Variants in SIMC1 observed in about 807,000 individuals in gnomAD.
SIMC1 encodes the protein SUMO interacting motifs containing 1.
In SIMC1, 55 loss-of-function variants were observed where a neutral mutation model predicts 82.3. The ratio of observed to expected loss-of-function variants is 0.67; its 90% CI spans 0.54 to 0.84. The LOEUF is 0.84. Among genes scored for constraint, SIMC1 ranks in the 40% least tolerant of loss-of-function variants. SIMC1 has a pLI of 0.00. For missense variants in SIMC1, 915 were observed against 1,107.2 expected (o/e 0.83, Z 2.46); for synonymous variants, 353 against 426.3 (o/e 0.83, Z 2.12).
rs566072646 is a variant in SIMC1 at position 176,242,653 on chromosome 5, T to C, written c.129+4016T>C. Among the ~76,000 whole-genome samples, 9 of 152,254 alleles carry C rather than the reference T, an allele frequency of 5.9e-5. 1 individual carries two copies. In the South Asian group the frequency reaches 1.9e-3, roughly 32 times the overall value. On this transcript the variant is annotated intron_variant, in intron 1 of 9. Transcript: ENST00000429602. ...TGTGTTGTTCATGAATCAACTGTAT[T>C]GCCAAATTTCCTACAGAAATTGTGC...
intron 1 of SIMC1, among the ~76,000 whole-genome samples, chr5:176,251,823 C>A (rs533391382): frequency 6.6e-6 from 1 of 150,692 alleles, no homozygotes; most frequent in African/African-American, 2.4e-5. Context: ...TTTAACAAAG[C>A]ACATCTTGCA....
chr5:176,300,364 G>A (rs13178845), intron 4 of SIMC1, among the ~76,000 whole-genome samples: 5,206 of 152,282 alleles, frequency 0.034, 126 homozygotes, highest in Middle Eastern at 0.095. Flanking sequence ...TGTCACCCAG[G>A]CTGGAGCTCA....
chr5:176,296,373 G>A, intron 4 of SIMC1, 53 bp downstream of exon 4: 1 of 1,612,704 alleles, frequency 6.2e-7, no homozygotes, highest in South Asian at 1.1e-5. Flanking sequence ...TAACTATAAA[G>A]AAAAGTGATA....
chr5:176,276,318 C>A (rs111797302), intron 1 of SIMC1, among the ~76,000 whole-genome samples: 2 of 151,314 alleles, frequency 1.3e-5, no homozygotes, highest in Admixed American at 6.6e-5. Flanking sequence ...CGGTGGTGAT[C>A]TCCCCTTTAT....
chr5:176,255,577 CTTT>C lies in SIMC1; in HGVS notation c.129+16958_129+16960del, dbSNP rs57239326. On this transcript the variant is annotated intron_variant, in intron 1 of 9. Transcript: ENST00000429602. ...AGCCTGGGTGACAGAGTGAGACTGTCTTTTTTTTTTTTTTTTTTTTAAAGAAAA... is the reference window on the plus strand; with the variant it reads ...AGCCTGGGTGACAGAGTGAGACTGTCTTTTTTTTTTTTTTTTTAAAGAAAA... Among the ~76,000 whole-genome samples the C allele has an allele frequency of 4.6e-3, 619 of 134,310 alleles. 3 individuals carry two copies. Among genetic ancestry groups the C allele is most frequent in the African/African-American group, 8.9e-3 (323 of 36,358 alleles). The allele number at this position is 134,310 out of a possible 152,430, so 88.1% of individuals were successfully genotyped here.
In SIMC1 at chr5:176,279,044, C is replaced by T. The variant is rs138105844; in HGVS notation, c.130-10610C>T. Among the ~76,000 whole-genome samples, 552 of 152,160 alleles carry T rather than the reference C, an allele frequency of 3.6e-3. 2 individuals are homozygous for T. Among genetic ancestry groups the T allele is most frequent in the African/African-American group, 0.012 (505 of 41,536 alleles). ...GGAGTGGTACCAGCTCCTCCTTATA[C>T]CTCTGGTAGAATTCGGCTGTGAATC... is the stretch of plus-strand genomic sequence containing the variant. On this transcript the variant is annotated intron_variant, in intron 1 of 9. Transcript: ENST00000429602.
At chr5:176,300,454 GA>G (rs1763994776) in intron 4 of SIMC1, among the ~76,000 whole-genome samples, 1 of 151,222 alleles carries the variant, frequency 6.6e-6, no homozygotes, top group African/African-American at 2.4e-5. Context: ...AAGTAGCTGG[GA>G]AAACAAGCAT....
At chr5:176,334,999 G>A (rs1765821076) in intron 7 of SIMC1, among the ~76,000 whole-genome samples, 1 of 151,826 alleles carries the variant, frequency 6.6e-6, no homozygotes, top group South Asian at 2.1e-4. Flanking sequence ...GCTGAGGTAG[G>A]AGAATTGCTT....
intron 4 of SIMC1, among the ~76,000 whole-genome samples, chr5:176,299,103 A>G (rs1316320632): frequency 1.3e-5 from 2 of 152,212 alleles, no homozygotes; most frequent in Non-Finnish European, 2.9e-5. Context: ...TCAAATACCA[A>G]ACTCTTGTGG....
intron 1 of SIMC1, among the ~76,000 whole-genome samples, chr5:176,275,730 CAT>C (rs1237380837): frequency 2.0e-5 from 3 of 151,848 alleles, no homozygotes; most frequent in Non-Finnish European, 2.9e-5. Flanking sequence ...TTGAGATAAT[CAT>C]GTGGTTTTTG....
intron 7 of SIMC1, among the ~76,000 whole-genome samples, chr5:176,329,777 A>C (rs1282269758): frequency 1.3e-5 from 2 of 152,236 alleles, no homozygotes; most frequent in Non-Finnish European, 2.9e-5. Context: ...ACAAATAAAT[A>C]TATTGTGAAT....
chr5:176,289,670 C>G lies in SIMC1; in HGVS notation c.146C>G (p.Thr49Ser). 1 of 1,603,712 alleles carries G rather than the reference C, an allele frequency of 6.2e-7. No individual in the cohort carries two copies. The highest frequency in any genetic ancestry group is 8.5e-7 in the Non-Finnish European group (1 of 1,175,038). Residue 49 changes from threonine to serine, a missense_variant, in exon 2 of 10, where the codon ACT becomes AGT. Physicochemically the swap from Thr to Ser is moderately conservative, Grantham distance 58 (BLOSUM62 1). Transcript: ENST00000429602. ...CTTCAACAGGACTTCATTGACTTAA[C>G]TAGAGAGACCAGACCAAGGACAAAA... is the stretch of plus-strand genomic sequence containing the variant. The part of the protein sequence containing the change: ...PRRTVDFIDL[T>S]RETRPRTKDR...
intron 1 of SIMC1, among the ~76,000 whole-genome samples, chr5:176,288,895 A>G (rs1763418925): frequency 6.6e-6 from 1 of 152,208 alleles, no homozygotes; most frequent in South Asian, 2.1e-4. Flanking sequence ...CTGTATCATT[A>G]GGCTTTGTGA....
chr5:176,271,147 G>A (rs2113176463), intron 1 of SIMC1, among the ~76,000 whole-genome samples: 1 of 152,242 alleles, frequency 6.6e-6, no homozygotes, highest in East Asian at 1.9e-4. Flanking sequence ...ATCACCTGAG[G>A]TCAGGAGTTC....
chr5:176,323,811 C>A (rs1251573736), intron 6 of SIMC1, among the ~76,000 whole-genome samples: 1 of 151,872 alleles, frequency 6.6e-6, no homozygotes, highest in African/African-American at 2.4e-5. Context: ...ACGGTGAAAC[C>A]CCGTCTCTAC....
At chr5:176,322,584 G>GCCTTTGAAATCAGAA in intron 6 of SIMC1, 159 bp downstream of exon 6, 1 of 926,956 alleles carries the variant, frequency 1.1e-6, no homozygotes, top group Non-Finnish European at 1.5e-6. Context: ...CTAAATTTCT[G>GCCTTTGAAATCAGAA]ATTTCAAAGG....
intron 2 of SIMC1, among the ~76,000 whole-genome samples, chr5:176,291,721 A>G (rs557689838): frequency 1.3e-5 from 2 of 151,688 alleles, no homozygotes; most frequent in South Asian, 4.2e-4. Context: ...CTTGTAATCC[A>G]CCCGCCTCAG....
chr5:176,247,358 G>C (rs1027202550), intron 1 of SIMC1, among the ~76,000 whole-genome samples: 7 of 152,162 alleles, frequency 4.6e-5, no homozygotes, highest in African/African-American at 1.4e-4. Flanking sequence ...CTAATGACCA[G>C]TGATGATGAG....
intron 5 of SIMC1, among the ~76,000 whole-genome samples, chr5:176,316,706 A>AT (rs1351116342): frequency 6.6e-6 from 1 of 150,780 alleles, no homozygotes; most frequent in Non-Finnish European, 1.5e-5. Flanking sequence ...AAATAAAGGC[A>AT]TTTTGGGCTG....
Sources: gnomAD v4.1 joint callset for allele counts (sites outside exome capture counted in the v4.1 genomes callset) on GRCh38, gnomAD v4.1.1 for gene constraint, MANE v1.5 for transcripts, NCBI Gene and HGNC (gene_info 2026-07-23, HGNC 2026-07-21) for gene names.